The following LY75 variants were observed in gnomAD, a reference collection of about 807,000 sequenced individuals.
The protein encoded by LY75 is lymphocyte antigen 75.
Under a neutral mutation model 231.7 loss-of-function variants are expected in LY75, and 185 were observed. The observed-to-expected ratio is 0.80, with a 90% CI of 0.71 to 0.90. The LOEUF is 0.90. Among genes scored for constraint, LY75 ranks in the 40% least tolerant of loss-of-function variants. The pLI, the probability that LY75 is intolerant of heterozygous loss-of-function variation, is 0.00. For synonymous variants in LY75, 668 were observed against 689.0 expected, an observed-to-expected ratio of 0.97 and a Z score of 0.48; for missense variants, 1,947 against 2,050.2, an observed-to-expected ratio of 0.95 and a Z score of 0.97.
chr2:159,822,137 T>C (rs1014268902), intron 28 of LY75, among the ~76,000 whole-genome samples: 1 of 152,148 alleles, frequency 6.6e-6, no homozygotes, highest in Non-Finnish European at 1.5e-5. Context: ...CTGCAGGAGT[T>C]CTTTTTTCCC....
Position 159,904,580 on chromosome 2 carries a change from C to G in LY75, c.94+9G>C. 2.7e-6 allele frequency: 4 copies of G among 1,506,490 alleles called. No homozygotes were observed. The highest frequency in any genetic ancestry group is 3.5e-6 in the Non-Finnish European group (4 of 1,131,128). 93.3% of individuals were successfully genotyped at this position (1,506,490 alleles called of 1,614,324 possible). ...CAGCGGACTGCGGGGCTGGCGTGCC[C>G]GCGGTTACCTGCGCGGCCAGAGGGC... On this transcript the variant is annotated intron_variant, in intron 1 of 34. Transcript: ENST00000263636.
At chr2:159,850,799 T>TATATATATATATATATATATATAG (rs1491206351) in intron 21 of LY75, among the ~76,000 whole-genome samples, 1 of 105,382 alleles carries the variant, frequency 9.5e-6, no homozygotes, top group African/African-American at 3.9e-5. Flanking sequence ...TATATATATA[T>TATATATATATATATATATATATAG]TATATCTTAT....
In LY75 at chr2:159,835,595, G is replaced by T. The variant is rs1299991211; in HGVS notation, c.3558C>A (p.Arg1186=). 6.2e-7 allele frequency: 1 copy of T among 1,613,600 alleles called. No homozygotes were observed. Among genetic ancestry groups the T allele is most frequent in the East Asian group, 2.2e-5 (1 of 44,850 alleles). The change falls in exon 26 of 35, where the codon CGC becomes CGA. Residue 1186 remains arginine, a synonymous_variant. Coordinates refer to ENST00000263636, the MANE Select transcript of LY75 (RefSeq NM_002349.4). ...CGAGTTGCCCATTAGTTTCAGCCCA[G>T]CGACTAAAATGAAGACGTTTCCCAT... ...WSDGKRLHFS[R]WAETNGQLED...
At chr2:159,892,161 C>T (rs1685778860) in intron 3 of LY75, among the ~76,000 whole-genome samples, 1 of 152,186 alleles carries the variant, frequency 6.6e-6, no homozygotes, top group Non-Finnish European at 1.5e-5. Flanking sequence ...TATCTGTGTT[C>T]TAACAAACTC....
rs753754457 is a variant in LY75, at chr2:159,831,716, G to A, written c.3912C>T (p.Tyr1304=). Residue 1304 remains tyrosine (Y), a synonymous_variant, in exon 28 of 35, where the codon TAC becomes TAT. Transcript: ENST00000263636. ...TGACCCATGAAGCCATATAATTGAAGTACAGCAGTTGCTCAAGAACAAAGT... is the reference window on the plus strand; with the variant it reads ...TGACCCATGAAGCCATATAATTGAAATACAGCAGTTGCTCAAGAACAAAGT... ...ENNFVLEQLL[Y]FNYMASWVML... is the part of the protein sequence containing the mutation. 2 of 1,612,670 alleles carry A rather than the reference G, an allele frequency of 1.2e-6. No individual in the cohort carries two copies. Among genetic ancestry groups the A allele is most frequent in the Non-Finnish European group, 1.7e-6 (2 of 1,179,490 alleles).
At chr2:159,857,009 C>T (rs1684567745) in intron 16 of LY75, among the ~76,000 whole-genome samples, 1 of 152,284 alleles carries the variant, frequency 6.6e-6, no homozygotes, top group East Asian at 1.9e-4. Context: ...GGGAGGCTCA[C>T]ATTAACACTT....
chr2:159,853,192 G>A, intron 20 of LY75, 81 bp downstream of exon 20: 2 of 1,408,626 alleles, frequency 1.4e-6, no homozygotes, highest in South Asian at 1.4e-5. Flanking sequence ...TAATTAAAAG[G>A]AAAACAAGAT....
rs750537822 is a variant in LY75 at position 159,898,945 on chromosome 2, A to T, written c.209T>A (p.Val70Glu). 6.2e-7 allele frequency: 1 copy of T among 1,614,234 alleles called. No homozygotes were observed. The part of the protein sequence containing the change: ...DETEDKLWKW[V>E]SQHRLFHLHS... ...CAAATGAAAGAGCCGATGCTGGGAC[A>T]CCCACTTCCATAACTTGTCCTCAGT... Residue 70 changes from valine (V) to glutamate (E), a missense_variant, in exon 2 of 35, where the codon GTG (valine) becomes GAG (glutamate). Val to Glu is a moderately radical substitution (Grantham distance 121). Coordinates refer to ENST00000263636, the MANE Select transcript of LY75 (RefSeq NM_002349.4).
At chr2:159,820,946 T>C (rs1683266854) in intron 28 of LY75, among the ~76,000 whole-genome samples, 2 of 152,082 alleles carry the variant, frequency 1.3e-5, no homozygotes, top group African/African-American at 4.8e-5. Context: ...TTCAAGCAAT[T>C]CTCTGCCTCA....
At position 159,853,666 on chromosome 2, in the gene LY75, CTTA is replaced by C. The variant is rs767456097; in HGVS notation, c.2624_2626del (p.Ile875del). 1 of 1,613,560 alleles carries C rather than the reference CTTA, an allele frequency of 6.2e-7. No individual in the cohort carries two copies. The highest frequency in any genetic ancestry group is 1.1e-5 in the South Asian group (1 of 91,082). On this transcript the variant is annotated inframe_deletion, in exon 19 of 35. Transcript: ENST00000263636. The stretch of plus-strand genomic sequence containing the variant: ...ATCATCTATTGGCCACTCGCTAATT[CTTA>C]TCCACCACTTCTGTCCATCACCAGA...
At chr2:159,874,195 T>TA (rs1685120629) in intron 12 of LY75, among the ~76,000 whole-genome samples, 1 of 112,004 alleles carries the variant, frequency 8.9e-6, no homozygotes, top group Non-Finnish European at 1.8e-5. Flanking sequence ...TATAAATATA[T>TA]TGTAAATATA....
chr2:159,868,101 C>T (rs536310487), intron 13 of LY75, among the ~76,000 whole-genome samples: 2 of 152,274 alleles, frequency 1.3e-5, no homozygotes, highest in East Asian at 3.9e-4. Context: ...TTCCTTTAAG[C>T]CATGGTTACA....
At position 159,869,302 on chromosome 2, in the gene LY75, A is replaced by T. The variant is rs75820341; in HGVS notation, c.2117+3149T>A. 4.1e-3 allele frequency among the ~76,000 whole-genome samples: 578 copies of T among 139,812 alleles called. 6 individuals carry two copies. Among genetic ancestry groups the T allele is most frequent in the African/African-American group, 0.015 (542 of 36,034 alleles). The allele number at this position is 139,812 out of a possible 152,430, so 91.7% of individuals were successfully genotyped here. The stretch of plus-strand genomic sequence containing the variant: ...ACCCTAGAACTTAAAGTATAATAAT[A>T]AAAAAAAAAAAGAAAAAGAAAGGCC... On this transcript the variant is annotated intron_variant, in intron 13 of 34. Transcript: ENST00000263636.
intron 4 of LY75, among the ~76,000 whole-genome samples, chr2:159,888,177 T>G (rs1410571487): frequency 6.6e-6 from 1 of 152,148 alleles, no homozygotes; most frequent in African/African-American, 2.4e-5. Context: ...CCTGTGGCCT[T>G]TTAATGATAA....
In LY75 at chr2:159,858,462, T is replaced by C. The variant is rs905881830; in HGVS notation, c.2283A>G (p.Pro761=). ...DCAAVKVFHR[P]WRRGWHFYDD... Reference sequence around the variant, plus strand: ...CATAGAAATGCCAGCCTCTTCGCCATGGCCTATGAAATACCTATAAGAGGA... The same window carrying C: ...CATAGAAATGCCAGCCTCTTCGCCACGGCCTATGAAATACCTATAAGAGGA... The change falls in exon 16 of 35, where the codon CCA becomes CCG. Residue 761 remains proline (P), a synonymous_variant. Transcript: ENST00000263636. 5.0e-6 allele frequency: 8 copies of C among 1,612,372 alleles called. No individual in the cohort carries two copies. In the African/African-American group the frequency reaches 1.1e-4, roughly 22 times the overall value.
intron 31 of LY75, 108 bp from the exon 32 acceptor site, chr2:159,810,783 G>T: frequency 6.7e-7 from 1 of 1,493,482 alleles, no homozygotes; most frequent in Non-Finnish European, 9.0e-7. Flanking sequence ...TGGTTGAGTA[G>T]CATTTAACTC....
chr2:159,861,807 A>T (rs1010108661), intron 14 of LY75, among the ~76,000 whole-genome samples: 1 of 152,214 alleles, frequency 6.6e-6, no homozygotes, highest in African/African-American at 2.4e-5. Context: ...GATAATAAAA[A>T]GAAAAGCTTC....
At chr2:159,886,302 A>G in intron 5 of LY75, 118 bp downstream of exon 5, 1 of 1,111,344 alleles carries the variant, frequency 9.0e-7, no homozygotes, top group Non-Finnish European at 1.2e-6. Context: ...TTCTTCTGAG[A>G]GGTAACCATA....
At chr2:159,877,868 C>CAAAACA (rs918936297) in intron 11 of LY75, among the ~76,000 whole-genome samples, 1 of 151,512 alleles carries the variant, frequency 6.6e-6, no homozygotes, top group Non-Finnish European at 1.5e-5. Context: ...GACCCCATCT[C>CAAAACA]AAAACAAAAA....
Sources: gnomAD v4.1 joint callset for allele counts (sites outside exome capture counted in the v4.1 genomes callset) on GRCh38, gnomAD v4.1.1 for gene constraint, MANE v1.5 for transcripts, NCBI Gene and HGNC (gene_info 2026-07-23, HGNC 2026-07-21) for gene names.